TMEM14B: variants seen among roughly 807,000 people sequenced by gnomAD.
TMEM14B encodes the protein transmembrane protein 14B.
Under a neutral mutation model 14.8 loss-of-function variants are expected in TMEM14B, and 9 were observed. The ratio of observed to expected loss-of-function variants is 0.61; its 90% confidence interval spans 0.37 to 1.06. The LOEUF (loss-of-function observed/expected upper bound fraction) is 1.06, where lower values mean the gene tolerates loss of function less well. Among genes scored for constraint, TMEM14B ranks in the 50% least tolerant of loss-of-function variants. The probability of loss-of-function intolerance (pLI) is 0.01; values close to 1 mark genes in which losing one functional copy is unlikely to be tolerated. For missense variants in TMEM14B, 128 were observed against 143.6 expected, an observed-to-expected ratio of 0.89 and a Z score of 0.56; for synonymous variants, 40 against 51.3, an observed-to-expected ratio of 0.78 and a Z score of 0.94.
chr6:10,750,909 A>C (rs1032065844), intron 3 of TMEM14B, among the ~76,000 whole-genome samples: 13 of 151,922 alleles, frequency 8.6e-5, no homozygotes, highest in African/African-American at 3.1e-4. Context: ...CCTTAGATGG[A>C]AGTGCCCTGC....
At chr6:10,754,057 G>T (rs924026316) in intron 4 of TMEM14B, among the ~76,000 whole-genome samples, 1 of 152,078 alleles carries the variant, frequency 6.6e-6, no homozygotes, top group Admixed American at 6.6e-5. Context: ...GCGGATTGCC[G>T]AGCTCAGGAG....
At chr6:10,748,857 G>T (rs1771438505) in intron 1 of TMEM14B, among the ~76,000 whole-genome samples, 1 of 152,186 alleles carries the variant, frequency 6.6e-6, no homozygotes, top group Non-Finnish European at 1.5e-5. Context: ...TGGATTAAGG[G>T]CACGGGAGTA....
rs745480599 is a variant in TMEM14B at position 10,751,226 on chromosome 6, G to T, written c.194G>T (p.Gly65Val). The T allele has an allele frequency of 5.6e-6, 9 of 1,613,606 alleles. No individual in the cohort carries two copies. Among genetic ancestry groups the T allele is most frequent in the Admixed American group, 1.7e-5 (1 of 59,960 alleles). The change falls in exon 4 of 6, where the codon GGT becomes GTT. Residue 65 changes from glycine (G) to valine (V), a missense_variant. By Grantham distance (109) the Gly-to-Val change is moderately radical (BLOSUM62 -3). Coordinates refer to ENST00000379542, the MANE Select transcript of TMEM14B (RefSeq NM_030969.5). ...TATCAGGATCCAAGGAACGTTTGGG[G>T]TTTCCTAGGTATGTCTGCTTCAGCG... ...QLYQDPRNVW[G>V]FLAATSVTFV... is the part of the protein sequence containing the mutation.
downstream of TMEM14B, among the ~76,000 whole-genome samples, chr6:10,758,408 A>G (rs1771875674): frequency 6.6e-6 from 1 of 152,224 alleles, no homozygotes; most frequent in Admixed American, 6.5e-5. Flanking sequence ...CCCAGCAATC[A>G]GCCTGGAAAA....
intron 3 of TMEM14B, 25 bp from the exon 4 acceptor site, chr6:10,751,108 G>A (rs1365266939): frequency 1.2e-6 from 2 of 1,612,286 alleles, no homozygotes; most frequent in African/African-American, 2.7e-5. Flanking sequence ...ACATTACAAT[G>A]CAAGCTGCGT....
intron 1 of TMEM14B, among the ~76,000 whole-genome samples, chr6:10,748,364 G>A (rs975703503): frequency 2.0e-5 from 3 of 151,996 alleles, no homozygotes; most frequent in Non-Finnish European, 4.4e-5. Flanking sequence ...TCCCACCTCA[G>A]CCTCCCAAGT....
Position 10,751,250 on chromosome 6 carries a change from C to G in TMEM14B, c.202+16C>G, listed in dbSNP as rs566539453. On this transcript the variant is annotated intron_variant, in intron 4 of 5. Coordinates refer to ENST00000379542, the MANE Select transcript of TMEM14B (RefSeq NM_030969.5). ...GGTTTCCTAGGTATGTCTGCTTCAG[C>G]GTCTCCTTAGGGCAATCATGTATCT... 1.2e-6 allele frequency: 2 copies of G among 1,613,088 alleles called. No individual in the cohort carries two copies. Among genetic ancestry groups the G allele is most frequent in the Non-Finnish European group, 1.7e-6 (2 of 1,179,462 alleles).
At chr6:10,749,921 T>C in intron 3 of TMEM14B, 1 of 604,232 alleles carries the variant, frequency 1.7e-6, no homozygotes, top group Non-Finnish European at 3.0e-6. Flanking sequence ...TTTTGCCTCT[T>C]TATCTAAAGG....
In TMEM14B at chr6:10,756,581, A is replaced by G. The variant is rs1329954348; in HGVS notation, c.*63A>G. 40 of 1,587,634 alleles carry G rather than the reference A, an allele frequency of 2.5e-5. No individual in the cohort carries two copies. The highest frequency in any genetic ancestry group is 3.2e-5 in the Non-Finnish European group (38 of 1,170,578). ...AAAATCTGCATCTTCCACTATTTTC[A>G]ATGTATTAAGAGAAATAAGTGCAGC... is the stretch of plus-strand genomic sequence containing the variant. On this transcript the variant is annotated 3_prime_UTR_variant, in exon 6 of 6. Coordinates refer to ENST00000379542, the MANE Select transcript of TMEM14B (RefSeq NM_030969.5).
At chr6:10,752,108 T>C (rs188236470) in intron 4 of TMEM14B, among the ~76,000 whole-genome samples, 1 of 152,160 alleles carries the variant, frequency 6.6e-6, no homozygotes, top group Non-Finnish European at 1.5e-5. Context: ...AGGTCCCAGC[T>C]CTGCCTAACA....
intron 4 of TMEM14B, among the ~76,000 whole-genome samples, chr6:10,753,702 C>T (rs942271672): frequency 1.3e-5 from 2 of 152,022 alleles, no homozygotes; most frequent in Non-Finnish European, 1.5e-5. Context: ...GCCACACACT[C>T]CCCCTGTCTT....
chr6:10,758,652 A>G (rs1771880926), downstream of TMEM14B, among the ~76,000 whole-genome samples: 1 of 151,728 alleles, frequency 6.6e-6, no homozygotes, highest in South Asian at 2.1e-4. Flanking sequence ...GATCCATATT[A>G]CTGTGGGGGC....
chr6:10,753,614 C>G (rs1384536778), intron 4 of TMEM14B, among the ~76,000 whole-genome samples: 1 of 151,976 alleles, frequency 6.6e-6, no homozygotes, highest in East Asian at 1.9e-4. Flanking sequence ...TCTCTCTCCT[C>G]CAGGCTGGAC....
chr6:10,754,893 G>A (rs1771745928), intron 4 of TMEM14B, among the ~76,000 whole-genome samples: 1 of 152,218 alleles, frequency 6.6e-6, no homozygotes, highest in Non-Finnish European at 1.5e-5. Flanking sequence ...TGTGGGTTTT[G>A]CAGAAGACAA....
chr6:10,749,534 T>A, intron 2 of TMEM14B, 88 bp from the exon 3 acceptor site: 2 of 1,472,144 alleles, frequency 1.4e-6, no homozygotes, highest in Non-Finnish European at 1.9e-6. Flanking sequence ...GGGGAATGAT[T>A]ACCTTTTAGC....
At chr6:10,756,315 C>T in intron 5 of TMEM14B, 152 bp from the exon 6 acceptor site, 1 of 770,452 alleles carries the variant, frequency 1.3e-6, no homozygotes, top group Non-Finnish European at 1.9e-6. Flanking sequence ...CTCTGGTTCC[C>T]CCAGGGATGG....
chr6:10,755,352 T>C (rs764437200), intron 5 of TMEM14B, 120 bp downstream of exon 5: 14 of 1,560,834 alleles, frequency 9.0e-6, no homozygotes, highest in African/African-American at 1.4e-5. Context: ...AACTGACGTT[T>C]GACTTATACA....
At chr6:10,754,067 G>C (rs1022862116) in intron 4 of TMEM14B, among the ~76,000 whole-genome samples, 3 of 152,132 alleles carry the variant, frequency 2.0e-5, no homozygotes, top group African/African-American at 7.2e-5. Flanking sequence ...GAGCTCAGGA[G>C]TTGGAGACCA....
At chr6:10,759,294 T>C (rs1467552502), downstream of TMEM14B, 2 of 152,164 alleles carry the variant, frequency 1.3e-5, no homozygotes, top group Non-Finnish European at 2.9e-5. Flanking sequence ...CTGATAGAAA[T>C]ATGTCTTGTT....
Sources: gnomAD v4.1 joint callset for allele counts (sites outside exome capture counted in the v4.1 genomes callset) on GRCh38, gnomAD v4.1.1 for gene constraint, MANE v1.5 for transcripts, NCBI Gene and HGNC (gene_info 2026-07-23, HGNC 2026-07-21) for gene names.